IRGM: variants seen among roughly 807,000 people sequenced by gnomAD.
IRGM encodes the protein immunity related GTPase M.
For synonymous variants in IRGM, 98 were observed against 80.6 expected (o/e 1.22, Z -1.16); for missense variants, 288 against 219.9 (o/e 1.31, Z -1.96).
chr5:150,863,419 T>A lies in IRGM; in HGVS notation c.159-14561T>A, dbSNP rs147804015. On this transcript the variant is annotated intron_variant and NMD_transcript_variant, in intron 1 of 3. Coordinates refer to the IRGM transcript ENST00000520549. The stretch of plus-strand genomic sequence containing the variant: ...ATGTTCTATTCGAGGCTGATGATAT[T>A]GGAGAAAAAATAGATTTGTATATAA... Among the ~76,000 whole-genome samples, 144 of 152,294 alleles carry A rather than the reference T, an allele frequency of 9.5e-4. 1 individual carries two copies. The highest frequency in any genetic ancestry group is 3.3e-3 in the African/African-American group (138 of 41,548).
chr5:150,885,514 C>T (rs138653628), intron 3 of IRGM, among the ~76,000 whole-genome samples: 26 of 152,032 alleles, frequency 1.7e-4, no homozygotes, highest in East Asian at 1.2e-3. Context: ...TTGGGAAGTA[C>T]GCCCATTTTA....
At position 150,887,470 on chromosome 5, in the gene IRGM, G is replaced by C. The variant is rs1038679526; in HGVS notation, c.*140+7824G>C. ...AAAGTGTCTAAATCTATGAATCATTGGCATTCTTCAAAGGGAGGAAGCAAA... is the reference window on the plus strand; with the variant it reads ...AAAGTGTCTAAATCTATGAATCATTCGCATTCTTCAAAGGGAGGAAGCAAA... On this transcript the variant is annotated intron_variant and NMD_transcript_variant, in intron 3 of 3. Coordinates refer to the IRGM transcript ENST00000520549. 2.6e-5 allele frequency among the ~76,000 whole-genome samples: 4 copies of C among 151,950 alleles called. No individual in the cohort carries two copies. In the East Asian group the frequency reaches 7.7e-4, roughly 29 times the overall value.
chr5:150,872,095 T>A (rs1754293880), intron 1 of IRGM, among the ~76,000 whole-genome samples: 1 of 152,258 alleles, frequency 6.6e-6, no homozygotes, highest in South Asian at 2.1e-4. Context: ...GCATATTTAA[T>A]GCTATTTAGC....
chr5:150,900,139 T>C lies in IRGM; in HGVS notation c.*141-450T>C, dbSNP rs9324663. 5.0e-3 allele frequency among the ~76,000 whole-genome samples: 766 copies of C among 152,262 alleles called. 4 individuals are homozygous for C. The highest frequency in any genetic ancestry group is 0.018 in the African/African-American group (740 of 41,566). ...TTGCCAAAGATGATTACATACTAAA[T>C]ATATGATTGATGAACTCTCTTATCT... On this transcript the variant is annotated intron_variant and NMD_transcript_variant, in intron 3 of 3. Coordinates refer to the IRGM transcript ENST00000520549.
intron 3 of IRGM, among the ~76,000 whole-genome samples, chr5:150,900,251 T>C (rs1754947167): frequency 6.6e-6 from 1 of 152,108 alleles, no homozygotes; most frequent in South Asian, 2.1e-4. Context: ...ATCTTTTATA[T>C]TTTATCACTT....
chr5:150,879,651 G>A (rs903959842), intron 3 of IRGM: 1 of 152,078 alleles, frequency 6.6e-6, no homozygotes, highest in Admixed American at 6.6e-5. Flanking sequence ...AAATATGTAA[G>A]TATTTAGAAA....
At chr5:150,858,163 C>A (rs1434994772) in intron 1 of IRGM, among the ~76,000 whole-genome samples, 1 of 151,618 alleles carries the variant, frequency 6.6e-6, no homozygotes, top group Non-Finnish European at 1.5e-5. Context: ...GTTTTCCCAG[C>A]ACCATTTATT....
intron 3 of IRGM, among the ~76,000 whole-genome samples, chr5:150,893,143 T>G (rs1754642727): frequency 6.6e-6 from 1 of 152,096 alleles, no homozygotes; most frequent in African/African-American, 2.4e-5. Context: ...AGTAAATTTG[T>G]TTTTTCTTTG....
rs181976909 is a variant in IRGM at position 150,883,166 on chromosome 5, A to C, written c.*140+3520A>C. Among the ~76,000 whole-genome samples, 118 of 152,232 alleles carry C rather than the reference A, an allele frequency of 7.8e-4. No individual in the cohort carries two copies. The East Asian group carries it at 0.02, about 26-fold the overall frequency. ...AAAACTAAAAAATATCTTCAGACAAATTAAAGTGGAAACAAAATATATCAA... is the reference window on the plus strand; with the variant it reads ...AAAACTAAAAAATATCTTCAGACAACTTAAAGTGGAAACAAAATATATCAA... On this transcript the variant is annotated intron_variant and NMD_transcript_variant, in intron 3 of 3. Coordinates refer to the IRGM transcript ENST00000520549.
chr5:150,863,533 G>T (rs1161991614), intron 1 of IRGM, among the ~76,000 whole-genome samples: 1 of 152,170 alleles, frequency 6.6e-6, no homozygotes, highest in Non-Finnish European at 1.5e-5. Flanking sequence ...GCTCCTGATA[G>T]ATGTAAATAT....
intron 3 of IRGM, among the ~76,000 whole-genome samples, chr5:150,884,106 A>T (rs1017658174): frequency 1.3e-5 from 2 of 152,058 alleles, no homozygotes; most frequent in African/African-American, 4.8e-5. Flanking sequence ...ATAAATCTAT[A>T]ATGTGATATA....
At chr5:150,879,584 G>A (rs1253527878) in intron 2 of IRGM, 1 of 152,200 alleles carries the variant, frequency 6.6e-6, no homozygotes. Context: ...CTCTCTTGCA[G>A]CTGGCCTGCC....
chr5:150,858,230 A>T (rs1179108131), intron 1 of IRGM, among the ~76,000 whole-genome samples: 1 of 151,952 alleles, frequency 6.6e-6, no homozygotes, highest in African/African-American at 2.4e-5. Context: ...AAGATCAGAT[A>T]GTTGTAGATA....
At chr5:150,902,188 A>T (rs1171580013), downstream of IRGM, among the ~76,000 whole-genome samples, 1 of 152,196 alleles carries the variant, frequency 6.6e-6, no homozygotes, top group Non-Finnish European at 1.5e-5. Context: ...GAAAGAAAAA[A>T]TAATACAAAC....
At position 150,848,335 on chromosome 5, in the gene IRGM, C is replaced by T. The variant is rs551248565; in HGVS notation, c.212C>T (p.Ala71Val). The T allele has an allele frequency of 1.9e-6, 3 of 1,551,840 alleles. No individual in the cohort carries two copies. Among genetic ancestry groups the T allele is most frequent in the South Asian group, 2.4e-5 (2 of 84,064 alleles). ...KASPPTELVKATQRCASYFSS... is the reference protein window; with the variant it reads ...KASPPTELVKVTQRCASYFSS... ...TCACCTCCTACTGAGCTGGTAAAAG[C>T]TACCCAAAGATGTGCCTCCTATTTC... is the stretch of plus-strand genomic sequence containing the variant. The change falls in exon 2 of 2, where the codon GCT becomes GTT. Residue 71 changes from alanine (A) to valine (V), a missense_variant. Ala to Val is a moderately conservative substitution (Grantham distance 64). Transcript: ENST00000522154.
At chr5:150,889,817 T>C (rs1045736481) in intron 3 of IRGM, among the ~76,000 whole-genome samples, 2 of 152,132 alleles carry the variant, frequency 1.3e-5, no homozygotes, top group African/African-American at 4.8e-5. Context: ...TGTTTGCTAA[T>C]GTGGTGACTT....
At chr5:150,888,143 A>C (rs1754553864) in intron 3 of IRGM, among the ~76,000 whole-genome samples, 1 of 152,108 alleles carries the variant, frequency 6.6e-6, no homozygotes, top group Non-Finnish European at 1.5e-5. Flanking sequence ...AGGGATTGCA[A>C]TTCTGATTTC....
intron 3 of IRGM, chr5:150,897,062 T>C: frequency 2.0e-6 from 2 of 1,018,500 alleles, no homozygotes; most frequent in Non-Finnish European, 2.8e-6. Flanking sequence ...TCCAACATAG[T>C]AGATGAACTC....
intron 3 of IRGM, among the ~76,000 whole-genome samples, chr5:150,888,664 A>G (rs561363219): frequency 6.6e-6 from 1 of 152,166 alleles, no homozygotes; most frequent in Non-Finnish European, 1.5e-5. Context: ...ATCACTCAAA[A>G]CCATGAAAAT....
Sources: gnomAD v4.1 joint callset for allele counts (sites outside exome capture counted in the v4.1 genomes callset) on GRCh38, gnomAD v4.1.1 for gene constraint, MANE v1.5 for transcripts, NCBI Gene and HGNC (gene_info 2026-07-23, HGNC 2026-07-21) for gene names.